TOP2A: variants seen among roughly 807,000 people sequenced by gnomAD.
TOP2A encodes DNA topoisomerase 2-alpha.
A neutral mutation model predicts 187.2 loss-of-function variants in TOP2A; 68 were observed. The observed-to-expected ratio is 0.36, with a 90% CI of 0.30 to 0.44. The LOEUF is 0.44. TOP2A is among the 20% of genes least tolerant of loss of function. The pLI, the probability that TOP2A is intolerant of heterozygous loss-of-function variation, is 1.00. For synonymous variants in TOP2A, 542 were observed against 593.2 expected, an observed-to-expected ratio of 0.91 and a Z score of 1.25; for missense variants, 1,196 against 1,808.7, an observed-to-expected ratio of 0.66 and a Z score of 6.14.
Position 40,399,239 on chromosome 17 carries a change from G to A in TOP2A, c.3197-108C>T, listed in dbSNP as rs150892006. ...TAAAACTGGAAATTAAACTGTCTTC[G>A]TGCTTGCATAAATTTGTATATCCCG... On this transcript the variant is annotated intron_variant, in intron 24 of 34. Coordinates refer to ENST00000423485, the MANE Select transcript of TOP2A (RefSeq NM_001067.4). The A allele has an allele frequency of 2.9e-3, 2,329 of 790,164 alleles. 10 individuals are homozygous for A. Among genetic ancestry groups the A allele is most frequent in the Non-Finnish European group, 3.7e-3 (1,844 of 497,100 alleles). The allele number at this position is 790,164 out of a possible 1,614,324, so 48.9% of individuals were successfully genotyped here.
At chr17:40,405,219 C>T (rs1264676734) in intron 16 of TOP2A, among the ~76,000 whole-genome samples, 1 of 149,044 alleles carries the variant, frequency 6.7e-6, no homozygotes, top group Non-Finnish European at 1.5e-5. Flanking sequence ...GGCACGATTT[C>T]GGCTCCCACA....
chr17:40,409,953 T>C, intron 10 of TOP2A: 1 of 177,950 alleles, frequency 5.6e-6, no homozygotes, highest in Non-Finnish European at 1.2e-5. Flanking sequence ...CCAGGCATGG[T>C]GATGCATGCC....
chr17:40,403,184 T>A (rs1314357389), intron 19 of TOP2A, 130 bp from the exon 20 acceptor site: 1 of 868,056 alleles, frequency 1.2e-6, no homozygotes, highest in African/African-American at 1.7e-5. Flanking sequence ...GATTAATAGA[T>A]GGCAGAAATA....
rs115069094 is a variant in TOP2A, at chr17:40,390,666, C to T, written c.4268-502G>A. 9.8e-3 allele frequency among the ~76,000 whole-genome samples: 1,436 copies of T among 146,912 alleles called. 27 individuals are homozygous for T. The highest frequency in any genetic ancestry group is 0.034 in the African/African-American group (1,347 of 39,718). Reference sequence around the variant, plus strand: ...TTTGAGACAGCATCTTGCTCTATCTCGCCCAGGCTGGAGTGCAGTGGCACG... The same window carrying T: ...TTTGAGACAGCATCTTGCTCTATCTTGCCCAGGCTGGAGTGCAGTGGCACG... On this transcript the variant is annotated intron_variant, in intron 33 of 34. Coordinates refer to ENST00000423485, the MANE Select transcript of TOP2A (RefSeq NM_001067.4).
Position 40,400,241 on chromosome 17 carries a change from T to C in TOP2A, c.2968A>G (p.Lys990Glu). The change falls in exon 23 of 35, where the codon AAA (lysine) becomes GAA (glutamate). Residue 990 changes from lysine (K) to glutamate (E), a missense_variant. By Grantham distance (56) the Lys-to-Glu change is moderately conservative. This residue lies in a region of TOP2A where 232 missense variants were observed against 306.1 expected (regional missense o/e 0.76). Coordinates refer to ENST00000423485, the MANE Select transcript of TOP2A (RefSeq NM_001067.4). ...TTGCATGTGAGACTAGTTTGGAGTT[T>C]GAAGACTTTGTGTAGTCCAACTCTC... ...AERVGLHKVF[K>E]LQTSLTCNSM... The C allele has an allele frequency of 6.2e-7, 1 of 1,613,966 alleles. No homozygotes were observed. Among genetic ancestry groups the C allele is most frequent in the Non-Finnish European group, 8.5e-7 (1 of 1,179,866 alleles).
In TOP2A at chr17:40,400,392, A is replaced by G; in HGVS notation, c.2817T>C (p.Val939=). Residue 939 remains valine (V), a synonymous_variant, in exon 23 of 35, where the codon GTT becomes GTC. Coordinates refer to ENST00000423485, the MANE Select transcript of TOP2A (RefSeq NM_001067.4). Reference sequence around the variant, plus strand: ...CGGTGCCATTCAACATGGGTTCTAGAACTTGTTCTTTGTATGTCTAAAGAA... The same window carrying G: ...CGGTGCCATTCAACATGGGTTCTAGGACTTGTTCTTTGTATGTCTAAAGAA... ...RTWTQTYKEQ[V]LEPMLNGTEK... 1 of 1,613,442 alleles carries G rather than the reference A, an allele frequency of 6.2e-7. No individual in the cohort carries two copies. The highest frequency in any genetic ancestry group is 8.5e-7 in the Non-Finnish European group (1 of 1,179,794).
rs1056242316 is a variant in TOP2A at position 40,411,605 on chromosome 17, T to A, written c.963+40A>T. 2 of 1,586,382 alleles carry A rather than the reference T, an allele frequency of 1.3e-6. No homozygotes were observed. Among genetic ancestry groups the A allele is most frequent in the African/African-American group, 2.7e-5 (2 of 73,310 alleles). On this transcript the variant is annotated intron_variant, in intron 8 of 34. Coordinates refer to ENST00000423485, the MANE Select transcript of TOP2A (RefSeq NM_001067.4). This position sits in a 1 kb window ranked among gnomAD's most constrained non-coding sequence, Gnocchi z 4.4. The stretch of plus-strand genomic sequence containing the variant: ...TAAAAACAATAAGAACACATATATG[T>A]AAAGATAAATCATGATTAATAATTT...
intron 27 of TOP2A, among the ~76,000 whole-genome samples, chr17:40,397,842 G>A (rs2035121254): frequency 6.8e-6 from 1 of 147,580 alleles, no homozygotes; most frequent in African/African-American, 2.5e-5. Flanking sequence ...GCAATGGTGT[G>A]ATCTTAGCTC....
chr17:40,392,701 T>C lies in TOP2A; in HGVS notation c.3848A>G (p.Lys1283Arg), dbSNP rs1395356792. ...TCTCTTCTTTCCTTTTTTGATTGGCTTAAATGCCAATGTAGTTTGTTTCTT... is the reference window on the plus strand; with the variant it reads ...TCTCTTCTTTCCTTTTTTGATTGGCCTAAATGCCAATGTAGTTTGTTTCTT... ...KTKKQTTLAF[K>R]PIKKGKKRNP... is the part of the protein sequence containing the mutation. The change falls in exon 30 of 35, where the codon AAG (lysine) becomes AGG (arginine). Residue 1283 changes from lysine (K) to arginine (R), a missense_variant. By Grantham distance (26) the Lys-to-Arg change is conservative. Around this residue, in one of 10 missense-constraint regions of TOP2A, gnomAD observed 374 missense variants for 403.3 expected, o/e 0.93. Transcript: ENST00000423485. 2.5e-6 allele frequency: 4 copies of C among 1,612,662 alleles called. No homozygotes were observed. In the South Asian group the frequency reaches 3.3e-5, roughly 13 times the overall value.
In TOP2A at chr17:40,406,912, G is replaced by A. The variant is rs2143666053; in HGVS notation, c.1657C>T (p.Leu553=). ...DQDGSHIKGL[L]INFIHHNWPS... The stretch of plus-strand genomic sequence containing the variant: ...CAGTTGTGATGGATAAAATTAATCA[G>A]CAAGCCTTTGATGTGGGAACCATCT... The change falls in exon 14 of 35, where the codon CTG becomes TTG. Residue 553 remains leucine, a synonymous_variant. Transcript: ENST00000423485. 1.2e-6 allele frequency: 2 copies of A among 1,602,784 alleles called. No individual in the cohort carries two copies. The highest frequency in any genetic ancestry group is 8.5e-7 in the Non-Finnish European group (1 of 1,173,890).
chr17:40,400,127 G>A, intron 23 of TOP2A, 60 bp from the exon 24 acceptor site: 3 of 1,587,006 alleles, frequency 1.9e-6, no homozygotes, highest in Non-Finnish European at 1.7e-6. Context: ...CTTTATAAAG[G>A]TAGACTAAGA....
intron 10 of TOP2A, chr17:40,410,793 G>C (rs1355310833): frequency 2.5e-6 from 1 of 395,000 alleles, no homozygotes; most frequent in East Asian, 6.4e-5. Context: ...TGAGTATGGA[G>C]GTAACAAATT....
At position 40,416,992 on chromosome 17, in the gene TOP2A, T is replaced by G. The variant is rs16965778; in HGVS notation, c.22-97A>C. 5.7e-6 allele frequency: 6 copies of G among 1,052,980 alleles called. No individual in the cohort carries two copies. In the East Asian group the frequency reaches 1.2e-4, roughly 22 times the overall value. The allele number at this position is 1,052,980 out of a possible 1,614,324, so 65.2% of individuals were successfully genotyped here. On this transcript the variant is annotated intron_variant, in intron 1 of 34. Transcript: ENST00000423485. ...TGCCTACCATAGTGAGATGTCAACA[T>G]GCATTGCAATCTGTTAGTAGGCAGT... is the stretch of plus-strand genomic sequence containing the variant.
intron 19 of TOP2A, 30 bp downstream of exon 19, chr17:40,404,122 G>T: frequency 6.2e-7 from 1 of 1,608,898 alleles, no homozygotes. Context: ...CTGATATAAT[G>T]CTTTCTGGAA....
chr17:40,402,849 C>A, intron 20 of TOP2A, 57 bp downstream of exon 20: 1 of 1,523,316 alleles, frequency 6.6e-7, no homozygotes. Flanking sequence ...TGAACTAAAT[C>A]TCACATTGTT....
chr17:40,413,218 C>T lies in TOP2A; in HGVS notation c.553G>A (p.Glu185Lys). ...GCCTGTTTGAACATTTTCTTGTATT[C>T]TCTACTGGCTGTTTCCACAGTAAAT... Reference protein sequence around the residue: ...TKFTVETASREYKKMFKQTWM... With the variant: ...TKFTVETASRKYKKMFKQTWM... Residue 185 changes from glutamate (E) to lysine (K), a missense_variant, in exon 6 of 35, where the codon GAA becomes AAA. Coordinates refer to ENST00000423485, the MANE Select transcript of TOP2A (RefSeq NM_001067.4). 1.3e-6 allele frequency: 2 copies of T among 1,561,290 alleles called. No homozygotes were observed. Among genetic ancestry groups the T allele is most frequent in the Non-Finnish European group, 1.7e-6 (2 of 1,151,152 alleles).
In TOP2A at chr17:40,396,774, T is replaced by C. The variant is rs568841806; in HGVS notation, c.3538-309A>G. ...TATTTGTAAACTCACATACAAAATATGAAAGGAAGTGATGCACACTTATCC... is the reference window on the plus strand; with the variant it reads ...TATTTGTAAACTCACATACAAAATACGAAAGGAAGTGATGCACACTTATCC... On this transcript the variant is annotated intron_variant, in intron 27 of 34. Coordinates refer to ENST00000423485, the MANE Select transcript of TOP2A (RefSeq NM_001067.4). Among the ~76,000 whole-genome samples the C allele has an allele frequency of 1.6e-3, 238 of 152,258 alleles. 2 individuals carry two copies. Among genetic ancestry groups the C allele is most frequent in the Middle Eastern group, 0.01 (3 of 294 alleles).
chr17:40,396,484 A>G lies in TOP2A; in HGVS notation c.3538-19T>C, dbSNP rs188388973. The G allele has an allele frequency of 5.4e-5, 87 of 1,600,004 alleles. No individual in the cohort carries two copies. The African/African-American group carries it at 9.7e-4, about 18-fold the overall frequency. Reference sequence around the variant, plus strand: ...CAACAGCCTACAGAAGGGATATAAGAAAGCAAGTTTAAATGTTAACAAAAA... The same window carrying G: ...CAACAGCCTACAGAAGGGATATAAGGAAGCAAGTTTAAATGTTAACAAAAA... On this transcript the variant is annotated intron_variant, in intron 27 of 34. Transcript: ENST00000423485.
intron 17 of TOP2A, 105 bp downstream of exon 17, chr17:40,404,681 TATCAA>T (rs571013221): frequency 2.0e-4 from 162 of 805,694 alleles, no homozygotes; most frequent in Non-Finnish European, 2.9e-4. Flanking sequence ...AACTCTATCA[TATCAA>T]ATTTTTTACT....
Sources: allele counts gnomAD v4.1 joint callset (sites outside exome capture counted in the v4.1 genomes callset), GRCh38; gene constraint gnomAD v4.1.1; regional missense constraint gnomAD v4.1.1; non-coding constraint Gnocchi (gnomAD v3.1); transcripts MANE v1.5; gene names NCBI Gene and HGNC (gene_info 2026-07-23, HGNC 2026-07-21).